ZMIZ1: variants seen among roughly 807,000 people sequenced by gnomAD.
ZMIZ1 encodes zinc finger MIZ-type containing 1.
Under a neutral mutation model 113.9 loss-of-function variants are expected in ZMIZ1, and 17 were observed. That is an observed-to-expected ratio of 0.15 (90% CI 0.10 to 0.22). ZMIZ1 has a LOEUF of 0.22. Ranked by LOEUF, ZMIZ1 falls within the 10% of genes least tolerant of loss-of-function variation. The probability of loss-of-function intolerance (pLI) is 1.00; values close to 1 mark genes in which losing one functional copy is unlikely to be tolerated. For missense variants in ZMIZ1, 1,059 were observed against 1,477.8 expected, an observed-to-expected ratio of 0.72 and a Z score of 4.65; for synonymous variants, 607 against 603.1, an observed-to-expected ratio of 1.01 and a Z score of -0.09.
At chr10:79,132,082 T>A (rs927336406) in intron 2 of ZMIZ1, among the ~76,000 whole-genome samples, 1 of 152,182 alleles carries the variant, frequency 6.6e-6, no homozygotes, top group African/African-American at 2.4e-5. Context: ...GAACCTGCAG[T>A]GTTCAAAGTC....
At chr10:79,164,689 C>A (rs1190573533) in intron 4 of ZMIZ1, among the ~76,000 whole-genome samples, 2 of 152,204 alleles carry the variant, frequency 1.3e-5, no homozygotes, top group East Asian at 3.8e-4. Context: ...TCTGAGCTAT[C>A]TGGAGATTTT....
chr10:79,141,311 T>C (rs1845254257), intron 3 of ZMIZ1, among the ~76,000 whole-genome samples: 1 of 152,240 alleles, frequency 6.6e-6, no homozygotes, highest in Admixed American at 6.5e-5. Context: ...ACGGCGCTTG[T>C]ACTCTCGTGA....
At chr10:79,159,564 G>A (rs902536727) in intron 3 of ZMIZ1, among the ~76,000 whole-genome samples, 2 of 152,210 alleles carry the variant, frequency 1.3e-5, no homozygotes, top group Admixed American at 6.5e-5. Context: ...CTTATTAGCT[G>A]TGCGACCTCA....
chr10:79,132,144 C>T (rs932264703), intron 2 of ZMIZ1, among the ~76,000 whole-genome samples: 5 of 152,188 alleles, frequency 3.3e-5, no homozygotes, highest in South Asian at 4.1e-4. Context: ...GCCACGTGCA[C>T]GAGCTTCTCT....
rs55634343 is a variant in ZMIZ1 at position 79,269,456 on chromosome 10, A to AACACACACACACACACACACAC, written c.281-7712_281-7691dup. Among the ~76,000 whole-genome samples the AACACACACACACACACACACAC allele has an allele frequency of 4.3e-3, 592 of 138,532 alleles. 6 individuals carry two copies. The highest frequency in any genetic ancestry group is 7.5e-3 in the African/African-American group (280 of 37,480). The allele number at this position is 138,532 out of a possible 152,430, so 90.9% of individuals were successfully genotyped here. ...AGCACCCCTCCCAACACCTCCCCCC[A>AACACACACACACACACACACAC]ACACACACACACACACACACACACA... On this transcript the variant is annotated intron_variant, in intron 7 of 24. Transcript: ENST00000334512.
chr10:79,220,578 G>A (rs536092280), intron 7 of ZMIZ1, among the ~76,000 whole-genome samples: 40 of 152,308 alleles, frequency 2.6e-4, no homozygotes, highest in Admixed American at 1.7e-3. Flanking sequence ...TTCCACACTT[G>A]TCTGACGTGC....
intron 1 of ZMIZ1, among the ~76,000 whole-genome samples, chr10:79,090,449 G>A (rs151100606): frequency 6.6e-6 from 1 of 152,306 alleles, no homozygotes; most frequent in Non-Finnish European, 1.5e-5. Context: ...CCCCTCTCAG[G>A]GTGTGGGGCT....
Position 79,118,573 on chromosome 10 carries a change from G to A in ZMIZ1, c.-336-342G>A, listed in dbSNP as rs113817941. Among the ~76,000 whole-genome samples the A allele has an allele frequency of 5.9e-5, 9 of 152,324 alleles. No homozygotes were observed. Among genetic ancestry groups the A allele is most frequent in the African/African-American group, 1.7e-4 (7 of 41,582 alleles). ...AGAAGTGGGGAGAAGAGCTCTGAGCGGGGCACCCAGCGTGTGCCAAGGCCG... is the reference window on the plus strand; with the variant it reads ...AGAAGTGGGGAGAAGAGCTCTGAGCAGGGCACCCAGCGTGTGCCAAGGCCG... On this transcript the variant is annotated intron_variant, in intron 1 of 24. Coordinates refer to ENST00000334512, the MANE Select transcript of ZMIZ1 (RefSeq NM_020338.4). This position sits in a 1 kb window ranked among gnomAD's most constrained non-coding sequence, Gnocchi z 4.1.
intron 7 of ZMIZ1, among the ~76,000 whole-genome samples, chr10:79,230,115 A>C (rs72818221): frequency 0.029 from 4,362 of 152,210 alleles, 110 homozygotes; most frequent in Non-Finnish European, 0.041. Context: ...CCGGCCGAGC[A>C]AAACAGTTCT....
At chr10:79,185,147 A>G (rs1369138073) in intron 4 of ZMIZ1, among the ~76,000 whole-genome samples, 2 of 152,346 alleles carry the variant, frequency 1.3e-5, no homozygotes, top group South Asian at 4.1e-4. Context: ...TTGGTCTCCC[A>G]TCAGAACTTT....
intron 1 of ZMIZ1, among the ~76,000 whole-genome samples, chr10:79,116,123 C>T (rs969417670): frequency 2.0e-5 from 3 of 152,048 alleles, no homozygotes; most frequent in Non-Finnish European, 2.9e-5. Flanking sequence ...CCCCTTACTG[C>T]ACCCCCGGAT....
intron 7 of ZMIZ1, among the ~76,000 whole-genome samples, chr10:79,230,982 C>T (rs1025566067): frequency 1.3e-5 from 2 of 152,248 alleles, no homozygotes; most frequent in Non-Finnish European, 2.9e-5. Flanking sequence ...GGCACTCATG[C>T]CCTGCTCGGG....
intron 4 of ZMIZ1, among the ~76,000 whole-genome samples, chr10:79,171,803 G>A (rs1340649437): frequency 1.3e-5 from 2 of 152,174 alleles, no homozygotes; most frequent in Non-Finnish European, 2.9e-5. Flanking sequence ...GGCTGGGGCA[G>A]GTGATAGTGC....
At chr10:79,169,414 C>T (rs1205179403) in intron 4 of ZMIZ1, among the ~76,000 whole-genome samples, 1 of 152,216 alleles carries the variant, frequency 6.6e-6, no homozygotes, top group African/African-American at 2.4e-5. Context: ...TGCACTAGAA[C>T]CTATAAATAA....
intron 19 of ZMIZ1, among the ~76,000 whole-genome samples, chr10:79,304,550 G>A (rs1352506263): frequency 1.3e-5 from 2 of 152,226 alleles, no homozygotes; most frequent in Non-Finnish European, 2.9e-5. Context: ...CCTGGCGTGA[G>A]TGACAGCCCC....
chr10:79,261,471 C>A (rs1851266112), intron 7 of ZMIZ1, among the ~76,000 whole-genome samples: 1 of 152,222 alleles, frequency 6.6e-6, no homozygotes, highest in African/African-American at 2.4e-5. Flanking sequence ...CGGCTCCCTC[C>A]CCCAGCTGCT....
chr10:79,171,094 G>C (rs536838190), intron 4 of ZMIZ1, among the ~76,000 whole-genome samples: 1 of 152,344 alleles, frequency 6.6e-6, no homozygotes, highest in South Asian at 2.1e-4. Context: ...AAGCTTTCCA[G>C]AAATATCCAC....
intron 1 of ZMIZ1, among the ~76,000 whole-genome samples, chr10:79,080,469 C>G (rs1054757487): frequency 6.6e-6 from 1 of 151,974 alleles, no homozygotes; most frequent in East Asian, 1.9e-4. Flanking sequence ...CCACCATGCC[C>G]AGCTGATTTT....
intron 4 of ZMIZ1, among the ~76,000 whole-genome samples, chr10:79,189,547 A>T (rs534962201): frequency 1.2e-4 from 19 of 152,224 alleles, no homozygotes; most frequent in Non-Finnish European, 2.2e-4. Flanking sequence ...CCTGAGGCAT[A>T]CTGAGGCTAG....
Sources: allele counts gnomAD v4.1 joint callset (sites outside exome capture counted in the v4.1 genomes callset), GRCh38; gene constraint gnomAD v4.1.1; non-coding constraint Gnocchi (gnomAD v3.1); transcripts MANE v1.5; gene names NCBI Gene and HGNC (gene_info 2026-07-23, HGNC 2026-07-21).